Variants in TMPRSS15 observed in about 807,000 individuals in gnomAD.
TMPRSS15 encodes the protein transmembrane serine protease 15, also known as enteropeptidase.
TMPRSS15 carries 128 observed loss-of-function variants against 125.3 expected under a neutral mutation model. The ratio of observed to expected loss-of-function variants is 1.02; its 90% CI spans 0.89 to 1.18. TMPRSS15 has a LOEUF of 1.18. Among genes scored for constraint, TMPRSS15 ranks in the 50% most tolerant of loss-of-function variants. The probability of loss-of-function intolerance (pLI) is 0.00; values close to 1 mark genes in which losing one functional copy is unlikely to be tolerated. For missense variants in TMPRSS15, 1,283 were observed against 1,212.7 expected, an observed-to-expected ratio of 1.06 and a Z score of -0.86; for synonymous variants, 446 against 423.2, an observed-to-expected ratio of 1.05 and a Z score of -0.66.
At chr21:18,382,918 TTTC>T (rs1230510623) in intron 4 of TMPRSS15, among the ~76,000 whole-genome samples, 1 of 152,142 alleles carries the variant, frequency 6.6e-6, no homozygotes, top group East Asian at 1.9e-4. Flanking sequence ...ATGTTCCATA[TTTC>T]TTCTTTTTTG....
chr21:18,330,078 A>G (rs1269680789), intron 14 of TMPRSS15, among the ~76,000 whole-genome samples: 2 of 152,066 alleles, frequency 1.3e-5, no homozygotes, highest in African/African-American at 4.8e-5. Flanking sequence ...TATTCTTCCT[A>G]TCTCAGTGGC....
chr21:18,354,772 A>G (rs369066623), intron 8 of TMPRSS15, among the ~76,000 whole-genome samples: 36 of 151,948 alleles, frequency 2.4e-4, no homozygotes, highest in East Asian at 7.7e-4. Flanking sequence ...AAGTGTTAAC[A>G]AACAATGCAT....
intron 10 of TMPRSS15, among the ~76,000 whole-genome samples, chr21:18,346,038 T>G (rs1158326205): frequency 6.6e-6 from 1 of 152,024 alleles, no homozygotes; most frequent in East Asian, 1.9e-4. Flanking sequence ...TAGTACCTTA[T>G]AAATCTTGCC....
chr21:18,431,506 G>A (rs1256030448), intron 1 of TMPRSS15, among the ~76,000 whole-genome samples: 3 of 151,976 alleles, frequency 2.0e-5, no homozygotes, highest in African/African-American at 4.8e-5. Flanking sequence ...TGATATTCAA[G>A]GAGAGTAGTT....
intron 18 of TMPRSS15, among the ~76,000 whole-genome samples, chr21:18,305,126 G>T (rs950204983): frequency 6.7e-6 from 1 of 149,856 alleles, no homozygotes; most frequent in African/African-American, 2.5e-5. Context: ...TGGGCCTTAC[G>T]CTAGACTTTT....
At chr21:18,401,021 A>G (rs1296889478) in intron 1 of TMPRSS15, among the ~76,000 whole-genome samples, 1 of 152,196 alleles carries the variant, frequency 6.6e-6, no homozygotes, top group African/African-American at 2.4e-5. Context: ...AATCAAAACC[A>G]CAATGAGATA....
At chr21:18,294,770 T>A (rs926816146) in intron 19 of TMPRSS15, 118 bp from the exon 20 acceptor site, 1 of 878,132 alleles carries the variant, frequency 1.1e-6, no homozygotes, top group Non-Finnish European at 1.9e-6. Context: ...GTCTCATATA[T>A]GAAATGTAGG....
chr21:18,372,175 G>C lies in TMPRSS15; in HGVS notation c.664+18C>G. 1 of 1,605,828 alleles carries C rather than the reference G, an allele frequency of 6.2e-7. No individual in the cohort carries two copies. Among genetic ancestry groups the C allele is most frequent in the South Asian group, 1.1e-5 (1 of 90,916 alleles). On this transcript the variant is annotated intron_variant, in intron 6 of 24. Transcript: ENST00000284885. ...GGAGGATAAAACAGAAGGGGAGAGA[G>C]TAGGGGGGAGAACTTACCACACATT...
chr21:18,379,853 A>T (rs1311252698), intron 4 of TMPRSS15, among the ~76,000 whole-genome samples: 2 of 152,096 alleles, frequency 1.3e-5, no homozygotes, highest in African/African-American at 4.8e-5. Context: ...GAAATAGGTC[A>T]TGTTTGTAAA....
At chr21:18,399,455 A>G (rs1601441176) in intron 1 of TMPRSS15, among the ~76,000 whole-genome samples, 1 of 152,266 alleles carries the variant, frequency 6.6e-6, no homozygotes, top group African/African-American at 2.4e-5. Flanking sequence ...TATTTTAAAT[A>G]CTCAAAATTA....
chr21:18,430,497 C>T (rs758831365), intron 1 of TMPRSS15, among the ~76,000 whole-genome samples: 1 of 151,974 alleles, frequency 6.6e-6, no homozygotes, highest in East Asian at 1.9e-4. Flanking sequence ...GTGGTGGTTG[C>T]TCAACCAAAA....
intron 7 of TMPRSS15, among the ~76,000 whole-genome samples, chr21:18,362,591 G>A (rs1018107336): frequency 1.3e-5 from 2 of 152,078 alleles, no homozygotes; most frequent in Admixed American, 6.6e-5. Context: ...ATCAGATTTT[G>A]TTATAATATT....
intron 1 of TMPRSS15, among the ~76,000 whole-genome samples, chr21:18,410,338 C>A (rs950793534): frequency 1.3e-5 from 2 of 151,974 alleles, no homozygotes; most frequent in Non-Finnish European, 2.9e-5. Context: ...GTGCTACATA[C>A]TATTCTCTAC....
intron 6 of TMPRSS15, among the ~76,000 whole-genome samples, chr21:18,365,497 T>TCC (rs1281191929): frequency 6.6e-6 from 1 of 151,690 alleles, no homozygotes; most frequent in Admixed American, 6.6e-5. Flanking sequence ...TCCTTCCTTT[T>TCC]CCCTTGCTTC....
chr21:18,424,368 G>A (rs1056793815), intron 1 of TMPRSS15, among the ~76,000 whole-genome samples: 6 of 152,146 alleles, frequency 3.9e-5, no homozygotes, highest in Non-Finnish European at 7.4e-5. Context: ...CCAGCCAAAC[G>A]TTGTGGAGAA....
intron 1 of TMPRSS15, among the ~76,000 whole-genome samples, chr21:18,472,477 A>G (rs1345224862): frequency 6.7e-6 from 1 of 148,286 alleles, no homozygotes; most frequent in Non-Finnish European, 1.5e-5. Flanking sequence ...ATATATATAT[A>G]TATACACACA....
At chr21:18,350,576 A>G (rs1380170888) in intron 10 of TMPRSS15, among the ~76,000 whole-genome samples, 1 of 152,030 alleles carries the variant, frequency 6.6e-6, no homozygotes, top group Non-Finnish European at 1.5e-5. Context: ...TGTGTGGCTA[A>G]TTCTTTCAAT....
Position 18,343,671 on chromosome 21 carries a change from A to G in TMPRSS15, c.1278-15T>C, listed in dbSNP as rs549004943. The stretch of plus-strand genomic sequence containing the variant: ...ACATATGATACCTAGTTTGGAAAGA[A>G]GCAAAAATGTTTGGATTCCTACAAC... On this transcript the variant is annotated splice_polypyrimidine_tract_variant and intron_variant, in intron 11 of 24. Transcript: ENST00000284885. The G allele has an allele frequency of 1.1e-5, 18 of 1,612,200 alleles. No individual in the cohort carries two copies. Among genetic ancestry groups the G allele is most frequent in the Middle Eastern group, 3.5e-4 (2 of 5,698 alleles).
chr21:18,280,106 G>A (rs1208499288), intron 22 of TMPRSS15, among the ~76,000 whole-genome samples: 1 of 152,108 alleles, frequency 6.6e-6, no homozygotes, highest in Non-Finnish European at 1.5e-5. Flanking sequence ...CACAGAGATG[G>A]CAGCACTTTC....
Sources: gnomAD v4.1 joint callset for allele counts (sites outside exome capture counted in the v4.1 genomes callset) on GRCh38, gnomAD v4.1.1 for gene constraint, MANE v1.5 for transcripts, NCBI Gene and HGNC (gene_info 2026-07-23, HGNC 2026-07-21) for gene names.